SUPT3H: variants seen among roughly 807,000 people sequenced by gnomAD.
The protein encoded by SUPT3H is transcription initiation protein SPT3 homolog.
A neutral mutation model predicts 44.3 loss-of-function variants in SUPT3H; 44 were observed. The observed-to-expected ratio is 0.99, with a 90% CI of 0.78 to 1.28. The LOEUF (loss-of-function observed/expected upper bound fraction) is 1.28, where lower values mean the gene tolerates loss of function less well. Ranked by LOEUF, SUPT3H falls within the 50% of genes most tolerant of loss-of-function variation. The pLI is 0.00. For missense variants in SUPT3H, 380 were observed against 387.1 expected (o/e 0.98, Z 0.15); for synonymous variants, 124 against 125.6 (o/e 0.99, Z 0.09).
chr6:44,923,002 G>T (rs1338390318), intron 10 of SUPT3H, among the ~76,000 whole-genome samples: 3 of 151,974 alleles, frequency 2.0e-5, no homozygotes, highest in African/African-American at 7.2e-5. Context: ...TCCTCCAGAA[G>T]ACAGCAAAAA....
Position 44,828,757 on chromosome 6 carries a change from A to G in SUPT3H, c.*1059T>C, listed in dbSNP as rs1040802679. The G allele has an allele frequency of 1.3e-5, 2 of 152,442 alleles. No homozygotes were observed. The highest frequency in any genetic ancestry group is 6.5e-5 in the Admixed American group (1 of 15,276). The allele number at this position is 152,442 out of a possible 1,614,324, so 9.4% of individuals were successfully genotyped here. A position where few individuals can be genotyped will look rare whatever the true frequency, so the allele number is the denominator to read the frequency against. On this transcript the variant is annotated 3_prime_UTR_variant, in exon 11 of 11. Transcript: ENST00000371459. ...TTTCATGTTTCTCATTTCTGTTTTT[A>G]TTAATTCTTTAGAAAGAGTGTTTCA...
At chr6:44,855,437 T>C (rs1164002113) in intron 10 of SUPT3H, among the ~76,000 whole-genome samples, 4 of 152,164 alleles carry the variant, frequency 2.6e-5, no homozygotes, top group African/African-American at 9.7e-5. Context: ...GTTTTTCTTA[T>C]TTGCTCTCCT....
downstream of SUPT3H, among the ~76,000 whole-genome samples, chr6:44,823,050 G>A (rs965913187): frequency 4.6e-5 from 7 of 150,700 alleles, no homozygotes; most frequent in African/African-American, 9.8e-5. Context: ...CCCGGGAGGC[G>A]GAGGTTCCTG....
Position 44,999,527 on chromosome 6 carries a change from A to T in SUPT3H, c.504+4126T>A, listed in dbSNP as rs111591903. The stretch of plus-strand genomic sequence containing the variant: ...AGGTGTGAGGGCAGATGGAGGCTAC[A>T]GCCCCACCAAACCTCTTCTCTCTTC... On this transcript the variant is annotated intron_variant, in intron 6 of 10. Transcript: ENST00000371459. 5.4e-3 allele frequency among the ~76,000 whole-genome samples: 828 copies of T among 152,222 alleles called. 12 individuals are homozygous for T. Among genetic ancestry groups the T allele is most frequent in the African/African-American group, 0.019 (797 of 41,566 alleles).
intron 10 of SUPT3H, among the ~76,000 whole-genome samples, chr6:44,844,427 T>C (rs1354136241): frequency 6.6e-6 from 1 of 152,210 alleles, no homozygotes; most frequent in African/African-American, 2.4e-5. Flanking sequence ...GTCCATGTTT[T>C]ATAGGTGAAC....
At chr6:45,319,019 T>C (rs569924719) in intron 2 of SUPT3H, among the ~76,000 whole-genome samples, 70 of 152,252 alleles carry the variant, frequency 4.6e-4, no homozygotes, top group Admixed American at 9.8e-4. Context: ...TAAAAAAATG[T>C]TCCTCTTGTC....
At chr6:45,116,284 G>T (rs1187131656) in intron 2 of SUPT3H, among the ~76,000 whole-genome samples, 1 of 151,970 alleles carries the variant, frequency 6.6e-6, no homozygotes, top group South Asian at 2.1e-4. Context: ...AATAACAGTG[G>T]AATGAACACC....
intron 2 of SUPT3H, among the ~76,000 whole-genome samples, chr6:45,222,076 G>A (rs72857065): frequency 6.6e-6 from 1 of 151,518 alleles, no homozygotes; most frequent in Non-Finnish European, 1.5e-5. Flanking sequence ...GACATTCATA[G>A]GCAAAAAAAT....
At chr6:44,991,491 G>A (rs748287727) in intron 6 of SUPT3H, among the ~76,000 whole-genome samples, 9 of 146,268 alleles carry the variant, frequency 6.2e-5, no homozygotes, top group Non-Finnish European at 1.2e-4. Flanking sequence ...AAATATTTAT[G>A]GCTTAATCCA....
intron 6 of SUPT3H, among the ~76,000 whole-genome samples, chr6:45,000,065 T>TAC (rs1781811081): frequency 6.6e-6 from 1 of 151,892 alleles, no homozygotes; most frequent in Admixed American, 6.6e-5. Context: ...TAAATGTATA[T>TAC]ACACATATAA....
At chr6:45,354,082 T>C (rs1213464189) in intron 2 of SUPT3H, among the ~76,000 whole-genome samples, 1 of 152,154 alleles carries the variant, frequency 6.6e-6, no homozygotes, top group African/African-American at 2.4e-5. Flanking sequence ...CATAACTTGA[T>C]AGAAATACAT....
chr6:45,342,661 C>CT lies in SUPT3H; in HGVS notation c.101+22539dup, dbSNP rs892540367. ...TACACAGTAGCAGGATTTTGGAAGCCTTTTTTTTTATTTGCCAATATTTTT... is the reference window on the plus strand; with the variant it reads ...TACACAGTAGCAGGATTTTGGAAGCCTTTTTTTTTTATTTGCCAATATTTTT... On this transcript the variant is annotated intron_variant, in intron 2 of 10. Transcript: ENST00000371459. Among the ~76,000 whole-genome samples the CT allele has an allele frequency of 4.6e-5, 7 of 151,000 alleles. No homozygotes were observed. The South Asian group carries it at 1.0e-3, about 23-fold the overall frequency.
At chr6:45,254,812 T>C (rs1393027763) in intron 2 of SUPT3H, among the ~76,000 whole-genome samples, 1 of 152,094 alleles carries the variant, frequency 6.6e-6, no homozygotes, top group Non-Finnish European at 1.5e-5. Context: ...AACAGAAAAT[T>C]CCAGAAATAA....
chr6:45,017,936 C>A (rs1478128277), intron 4 of SUPT3H, among the ~76,000 whole-genome samples: 3 of 149,390 alleles, frequency 2.0e-5, no homozygotes, highest in Admixed American at 1.3e-4. Context: ...TTACCTTGGG[C>A]AGTATGGCCA....
chr6:44,998,652 ATTT>A (rs913411525), intron 6 of SUPT3H, among the ~76,000 whole-genome samples: 46 of 151,830 alleles, frequency 3.0e-4, no homozygotes, highest in Admixed American at 2.0e-3. Flanking sequence ...CCTAATACTT[ATTT>A]TTTATTTTTC....
At chr6:45,138,200 A>G (rs536796319) in intron 2 of SUPT3H, among the ~76,000 whole-genome samples, 11 of 152,300 alleles carry the variant, frequency 7.2e-5, no homozygotes, top group Middle Eastern at 3.4e-3. Context: ...AAAGATAATA[A>G]GAAGTGCTAG....
Position 45,084,537 on chromosome 6 carries a change from A to G in SUPT3H, c.186+21385T>C, listed in dbSNP as rs554557472. On this transcript the variant is annotated intron_variant, in intron 3 of 10. Transcript: ENST00000371459. ...GGTAGGAATGTAAAGTAGTTCAACC[A>G]CTGTGGAAAGCAGTTTGGAGATTTC... Among the ~76,000 whole-genome samples, 3 of 152,334 alleles carry G rather than the reference A, an allele frequency of 2.0e-5. No homozygotes were observed. The South Asian group carries it at 6.2e-4, about 32-fold the overall frequency.
chr6:45,101,731 A>G (rs1359163325), intron 3 of SUPT3H, among the ~76,000 whole-genome samples: 1 of 152,196 alleles, frequency 6.6e-6, no homozygotes, highest in South Asian at 2.1e-4. Flanking sequence ...CATTGTATAC[A>G]TGTGTCAAAA....
intron 2 of SUPT3H, among the ~76,000 whole-genome samples, chr6:45,224,289 C>A (rs947086433): frequency 1.3e-5 from 2 of 152,016 alleles, no homozygotes; most frequent in African/African-American, 4.8e-5. Context: ...ATAAAATTCT[C>A]TCAATGGGAT....
Sources: allele counts gnomAD v4.1 joint callset (sites outside exome capture counted in the v4.1 genomes callset), GRCh38; gene constraint gnomAD v4.1.1; transcripts MANE v1.5; gene names NCBI Gene and HGNC (gene_info 2026-07-23, HGNC 2026-07-21).